PARG: variants seen among roughly 807,000 people sequenced by gnomAD.
The protein encoded by PARG is poly(ADP-ribose) glycohydrolase, also known as mitochondrial poly(ADP-ribose) glycohydrolase.
In PARG, 35 loss-of-function variants were observed where a neutral mutation model predicts 113.0. The ratio of observed to expected loss-of-function variants is 0.31; its 90% confidence interval spans 0.24 to 0.41. PARG has a LOEUF of 0.41. PARG is among the 10% of genes least tolerant of loss of function. The probability of loss-of-function intolerance (pLI) is 1.00; values close to 1 mark genes in which losing one functional copy is unlikely to be tolerated. For missense variants in PARG, 797 were observed against 1,169.4 expected (o/e 0.68, Z 4.64); for synonymous variants, 330 against 409.9 (o/e 0.81, Z 2.36).
chr10:49,866,434 T>C (rs191346980), intron 10 of PARG, among the ~76,000 whole-genome samples: 10,559 of 151,948 alleles, frequency 0.069, 520 homozygotes, highest in African/African-American at 0.12. Flanking sequence ...ACAAATTTTT[T>C]TGTTAAGATG....
At chr10:49,827,031 A>G (rs1477126056) in intron 16 of PARG, among the ~76,000 whole-genome samples, 1 of 152,242 alleles carries the variant, frequency 6.6e-6, no homozygotes, top group Non-Finnish European at 1.5e-5. Context: ...ACGTCAAGCA[A>G]CAGTCCCCTT....
At chr10:49,939,011 C>A (rs1446254525) in intron 1 of PARG, among the ~76,000 whole-genome samples, 1 of 152,032 alleles carries the variant, frequency 6.6e-6, no homozygotes, top group African/African-American at 2.4e-5. Flanking sequence ...TCATTTGGTA[C>A]CTCTTCTGCA....
At chr10:49,829,704 A>C (rs1308220531) in intron 16 of PARG, among the ~76,000 whole-genome samples, 1 of 152,234 alleles carries the variant, frequency 6.6e-6, no homozygotes, top group Non-Finnish European at 1.5e-5. Context: ...AACCATAGTT[A>C]ATCCTGGCAC....
At chr10:49,908,995 G>C (rs1170886179) in intron 7 of PARG, among the ~76,000 whole-genome samples, 1 of 152,184 alleles carries the variant, frequency 6.6e-6, no homozygotes, top group African/African-American at 2.4e-5. Context: ...GAGGAATGAA[G>C]AGAGAAGAAA....
At chr10:49,822,217 T>C (rs1844129620) in intron 16 of PARG, among the ~76,000 whole-genome samples, 1 of 152,082 alleles carries the variant, frequency 6.6e-6, no homozygotes, top group Non-Finnish European at 1.5e-5. Context: ...GTCGAAAATA[T>C]GTGTATCTGT....
intron 6 of PARG, among the ~76,000 whole-genome samples, chr10:49,917,132 C>A (rs12768047): frequency 4.6e-3 from 697 of 152,024 alleles, no homozygotes; most frequent in East Asian, 0.018. Flanking sequence ...ATAAGATAGC[C>A]AGAAAGAGTG....
intron 7 of PARG, among the ~76,000 whole-genome samples, chr10:49,890,869 A>G (rs544717991): frequency 6.6e-6 from 1 of 152,368 alleles, no homozygotes; most frequent in African/African-American, 2.4e-5. Context: ...TAAGTACTAT[A>G]CCTGACATAT....
intron 14 of PARG, 123 bp downstream of exon 14, chr10:49,843,426 ATTTCT>A (rs1331444562): frequency 1.3e-4 from 92 of 682,150 alleles, no homozygotes; most frequent in South Asian, 8.0e-4. Context: ...TGTAATGCTG[ATTTCT>A]TTTCTTTTTT....
At chr10:49,850,480 G>A (rs1306159934) in intron 13 of PARG, among the ~76,000 whole-genome samples, 4 of 152,154 alleles carry the variant, frequency 2.6e-5, no homozygotes, top group African/African-American at 9.7e-5. Flanking sequence ...TTTTAAGGGG[G>A]TAGAGAAACC....
chr10:49,837,331 T>C (rs1554831295), intron 15 of PARG, among the ~76,000 whole-genome samples: 1 of 151,974 alleles, frequency 6.6e-6, no homozygotes, highest in African/African-American at 2.4e-5. Context: ...CTGGTTTTAC[T>C]TTTTCGCGTA....
At chr10:49,926,063 T>G (rs1468247435) in intron 4 of PARG, among the ~76,000 whole-genome samples, 2 of 152,130 alleles carry the variant, frequency 1.3e-5, no homozygotes, top group Non-Finnish European at 2.9e-5. Context: ...GGTGGGCATG[T>G]GAAAGAAAGC....
chr10:49,848,165 G>A (rs1341615139), intron 13 of PARG, among the ~76,000 whole-genome samples: 13 of 147,466 alleles, frequency 8.8e-5, no homozygotes, highest in African/African-American at 3.0e-4. Flanking sequence ...CGTGGCCAAC[G>A]TGGTGAAACC....
intron 12 of PARG, among the ~76,000 whole-genome samples, chr10:49,859,096 G>A (rs1186301776): frequency 1.4e-5 from 2 of 148,004 alleles, no homozygotes; most frequent in African/African-American, 5.0e-5. Flanking sequence ...CTTTACAAGG[G>A]GATGTGGCAG....
At chr10:49,922,176 C>T (rs1476000906) in intron 6 of PARG, among the ~76,000 whole-genome samples, 160 bp downstream of exon 6, 5 of 152,152 alleles carry the variant, frequency 3.3e-5, no homozygotes, top group Non-Finnish European at 7.3e-5. Flanking sequence ...CAGTTCTTCT[C>T]ATTTCCTAGT....
At chr10:49,883,182 T>A (rs1348473433) in intron 8 of PARG, among the ~76,000 whole-genome samples, 3 of 152,220 alleles carry the variant, frequency 2.0e-5, no homozygotes, top group Non-Finnish European at 2.9e-5. Flanking sequence ...CAAGAAGGCA[T>A]TTGGACATGT....
chr10:49,846,656 A>C (rs1339318514), intron 13 of PARG, among the ~76,000 whole-genome samples: 1 of 152,186 alleles, frequency 6.6e-6, no homozygotes, highest in Admixed American at 6.5e-5. Flanking sequence ...TGGGGAAGAG[A>C]GTTCCAATTA....
At chr10:49,846,000 T>C (rs1230367747) in intron 13 of PARG, among the ~76,000 whole-genome samples, 1 of 151,390 alleles carries the variant, frequency 6.6e-6, no homozygotes, top group Non-Finnish European at 1.5e-5. Context: ...CGAATTAGTG[T>C]TTGACAGAAT....
chr10:49,829,971 T>C (rs1268131816), intron 16 of PARG, among the ~76,000 whole-genome samples: 11 of 152,206 alleles, frequency 7.2e-5, no homozygotes, highest in Non-Finnish European at 1.5e-4. Context: ...TGAAGGACTT[T>C]ATGACTCATT....
chr10:49,939,183 TTC>T (rs1375034182), intron 1 of PARG, among the ~76,000 whole-genome samples: 16 of 152,296 alleles, frequency 1.1e-4, no homozygotes, highest in African/African-American at 3.9e-4. Context: ...TCACCTTCAG[TTC>T]TCTCTCCCCT....
Sources: allele counts gnomAD v4.1 joint callset (sites outside exome capture counted in the v4.1 genomes callset), GRCh38; gene constraint gnomAD v4.1.1; transcripts MANE v1.5; gene names NCBI Gene and HGNC (gene_info 2026-07-23, HGNC 2026-07-21).